USP1: variants seen among roughly 807,000 people sequenced by gnomAD.
The protein encoded by USP1 is ubiquitin specific peptidase 1.
Under a neutral mutation model 72.2 loss-of-function variants are expected in USP1, and 18 were observed. That is an observed-to-expected ratio of 0.25 (90% CI 0.17 to 0.37). The LOEUF is 0.37. Ranked by LOEUF, USP1 falls within the 10% of genes least tolerant of loss-of-function variation. USP1 has a pLI of 1.00. For missense variants in USP1, 759 were observed against 884.9 expected (o/e 0.86, Z 1.81); for synonymous variants, 354 against 303.7 (o/e 1.17, Z -1.72).
In USP1 at chr1:62,437,103, G is replaced by C. The variant is rs541075880; in HGVS notation, c.-367G>C. The C allele has an allele frequency of 5.0e-6, 2 of 398,954 alleles. No individual in the cohort carries two copies. Among genetic ancestry groups the C allele is most frequent in the East Asian group, 7.1e-5 (2 of 28,068 alleles). The allele number at this position is 398,954 out of a possible 1,614,324, so 24.7% of individuals were successfully genotyped here. A position where few individuals can be genotyped will look rare whatever the true frequency, so the allele number is the denominator to read the frequency against. ...GAGTGCTAAAGACCCTAGCGGTTCA[G>C]GCGTTCGGCGAGCGGGGCCGCTGCT... On this transcript the variant is annotated 5_prime_UTR_variant, in exon 1 of 9. Transcript: ENST00000339950.
intron 6 of USP1, among the ~76,000 whole-genome samples, chr1:62,446,227 A>G (rs1200364431): frequency 6.6e-6 from 1 of 152,196 alleles, no homozygotes; most frequent in Non-Finnish European, 1.5e-5. Flanking sequence ...AGCGTACTAC[A>G]CAACTAGCCT....
chr1:62,448,277 T>C (rs1364859796), intron 7 of USP1, among the ~76,000 whole-genome samples, 188 bp from the exon 8 acceptor site: 2 of 152,224 alleles, frequency 1.3e-5, no homozygotes, highest in African/African-American at 4.8e-5. Context: ...CGATCAAATA[T>C]ATTTAAAAGG....
intron 1 of USP1, among the ~76,000 whole-genome samples, chr1:62,438,193 A>G (rs998707905): frequency 2.6e-5 from 4 of 152,272 alleles, no homozygotes; most frequent in Non-Finnish European, 5.9e-5. Context: ...CTGCCTAATC[A>G]TTCTTCCCTT....
Position 62,448,566 on chromosome 1 carries a change from A to G in USP1, c.1522A>G (p.Asn508Asp). The change falls in exon 8 of 9, where the codon AAC (asparagine) becomes GAC (aspartate). Residue 508 changes from asparagine to aspartate, a missense_variant. Transcript: ENST00000339950. Reference protein sequence around the residue: ...IVGEDKYFCENCHHYTEAERS... With the variant: ...IVGEDKYFCEDCHHYTEAERS... ...AGGAGAAGATAAATATTTCTGTGAA[A>G]ACTGCCATCATTATACTGAAGCTGA... 6.2e-7 allele frequency: 1 copy of G among 1,613,950 alleles called. No individual in the cohort carries two copies. The highest frequency in any genetic ancestry group is 8.5e-7 in the Non-Finnish European group (1 of 1,179,934).
In USP1 at chr1:62,450,345, C is replaced by T; in HGVS notation, c.1722C>T (p.Asp574=). 2 of 1,614,096 alleles carry T rather than the reference C, an allele frequency of 1.2e-6. No individual in the cohort carries two copies. The highest frequency in any genetic ancestry group is 1.7e-6 in the Non-Finnish European group (2 of 1,180,030). Residue 574 remains aspartate (D), a synonymous_variant, in exon 9 of 9, where the codon GAC becomes GAT. Coordinates refer to ENST00000339950, the MANE Select transcript of USP1 (RefSeq NM_003368.5). ...LEEWSTKPTN[D]SYGLFAVVMH... Reference sequence around the variant, plus strand: ...AATGGAGCACAAAGCCAACTAACGACAGCTATGGATTATTTGCGGTTGTGA... The same window carrying T: ...AATGGAGCACAAAGCCAACTAACGATAGCTATGGATTATTTGCGGTTGTGA...
At position 62,442,262 on chromosome 1, in the gene USP1, A is replaced by C. The variant is rs1239783284; in HGVS notation, c.359A>C (p.Lys120Thr). The C allele has an allele frequency of 6.2e-7, 1 of 1,606,294 alleles. No individual in the cohort carries two copies. Among genetic ancestry groups the C allele is most frequent in the Non-Finnish European group, 8.5e-7 (1 of 1,175,066 alleles). ...TTATTTAATATTATTTCAAGGAAGA[A>C]AGAAGCTCTAAAGGATGAAGCCAAT... ...KHLFNIISRKKEALKDEANQK... is the reference protein window; with the variant it reads ...KHLFNIISRKTEALKDEANQK... The change falls in exon 4 of 9, where the codon AAA (lysine) becomes ACA (threonine). Residue 120 changes from lysine to threonine, a missense_variant. Transcript: ENST00000339950.
At chr1:62,448,039 G>A (rs1158008376) in intron 7 of USP1, among the ~76,000 whole-genome samples, 1 of 152,116 alleles carries the variant, frequency 6.6e-6, no homozygotes, top group Non-Finnish European at 1.5e-5. Context: ...GCCCGCCTTG[G>A]CCTCCCAAAG....
chr1:62,437,699 C>T (rs1397602231), intron 1 of USP1, among the ~76,000 whole-genome samples: 1 of 152,224 alleles, frequency 6.6e-6, no homozygotes, highest in African/African-American at 2.4e-5. Context: ...GGTCGCTGCT[C>T]GTCCTTCCAG....
At position 62,445,370 on chromosome 1, in the gene USP1, A is replaced by C. The variant is rs369529517; in HGVS notation, c.1190A>C (p.Glu397Ala). ...SDNTTNGCGLESPGNTVTPVN... is the reference protein window; with the variant it reads ...SDNTTNGCGLASPGNTVTPVN... ...AACACAACTAATGGTTGTGGACTTGAATCTCCAGGAAATACTGTTACACCT... is the reference window on the plus strand; with the variant it reads ...AACACAACTAATGGTTGTGGACTTGCATCTCCAGGAAATACTGTTACACCT... Residue 397 changes from glutamate to alanine, a missense_variant, in exon 6 of 9, where the codon GAA becomes GCA. By Grantham distance (107) the Glu-to-Ala change is moderately radical. This residue lies in a region of USP1 where 245 missense variants were observed against 240.7 expected (regional missense o/e 1.02). Transcript: ENST00000339950. 1.2e-5 allele frequency: 19 copies of C among 1,604,340 alleles called. No individual in the cohort carries two copies. The African/African-American group carries it at 1.7e-4, about 15-fold the overall frequency.
intron 6 of USP1, 145 bp downstream of exon 6, chr1:62,445,574 T>G: frequency 1.4e-6 from 1 of 704,820 alleles, no homozygotes; most frequent in Non-Finnish European, 2.2e-6. Flanking sequence ...TGAACTATGG[T>G]GTTTTAAGTG....
In USP1 at chr1:62,451,081, T is replaced by C. The variant is rs535702193; in HGVS notation, c.*100T>C. 15 of 1,167,598 alleles carry C rather than the reference T, an allele frequency of 1.3e-5. No individual in the cohort carries two copies. Among genetic ancestry groups the C allele is most frequent in the East Asian group, 2.5e-5 (1 of 40,576 alleles). 72.3% of individuals were successfully genotyped at this position (1,167,598 alleles called of 1,614,324 possible). On this transcript the variant is annotated 3_prime_UTR_variant, in exon 9 of 9. Transcript: ENST00000339950. ...TCTTTAGCTTATCTTTTGAAGCTAC[T>C]GGATATTATTGGTCTCTCTAGGTTT...
At chr1:62,444,147 T>TA (rs932261756) in intron 5 of USP1, among the ~76,000 whole-genome samples, 4 of 151,220 alleles carry the variant, frequency 2.6e-5, no homozygotes, top group African/African-American at 9.7e-5. Context: ...TAGTCCCACC[T>TA]ACTCGGGAGA....
intron 6 of USP1, among the ~76,000 whole-genome samples, chr1:62,445,630 G>GTA (rs1645166686): frequency 8.2e-6 from 1 of 122,138 alleles, no homozygotes; most frequent in Non-Finnish European, 1.7e-5. Context: ...GCATATATAT[G>GTA]TGTGTGTGTG....
chr1:62,444,583 C>T (rs1241613602), intron 5 of USP1, among the ~76,000 whole-genome samples, 155 bp from the exon 6 acceptor site: 5 of 152,056 alleles, frequency 3.3e-5, no homozygotes, highest in Non-Finnish European at 5.9e-5. Flanking sequence ...CTTTTAGTTA[C>T]AGATAAGAAA....
chr1:62,436,570 T>C (rs1269653549), upstream of USP1: 2 of 152,558 alleles, frequency 1.3e-5, no homozygotes, highest in East Asian at 3.9e-4. Flanking sequence ...TAGGTACTTC[T>C]GATTGGCTTC....
chr1:62,449,836 A>C (rs904051511), intron 8 of USP1, among the ~76,000 whole-genome samples: 2 of 151,790 alleles, frequency 1.3e-5, no homozygotes, highest in Non-Finnish European at 1.5e-5. Flanking sequence ...CTGAGGTGGG[A>C]GGATCACTTG....
In USP1 at chr1:62,443,189, T is replaced by C; in HGVS notation, c.427T>C (p.Tyr143His). 6.2e-7 allele frequency: 1 copy of C among 1,611,452 alleles called. No individual in the cohort carries two copies. The stretch of plus-strand genomic sequence containing the variant: ...TTGCAAAGAAGATTCTTTGGCAAGT[T>C]ATGAATTGATATGCAGTTTACAGTC... ...GNCKEDSLAS[Y>H]ELICSLQSLI... is the part of the protein sequence containing the mutation. Residue 143 changes from tyrosine (Y) to histidine (H), a missense_variant, in exon 5 of 9, where the codon TAT (tyrosine) becomes CAT (histidine). Coordinates refer to ENST00000339950, the MANE Select transcript of USP1 (RefSeq NM_003368.5).
chr1:62,444,082 A>G (rs1243133416), intron 5 of USP1, among the ~76,000 whole-genome samples: 1 of 152,008 alleles, frequency 6.6e-6, no homozygotes, highest in African/African-American at 2.4e-5. Context: ...AACATGGTGA[A>G]ACCCTGCCCC....
chr1:62,450,790 G>A lies in USP1; in HGVS notation c.2167G>A (p.Gly723Ser). 6.2e-7 allele frequency: 1 copy of A among 1,613,928 alleles called. No homozygotes were observed. The highest frequency in any genetic ancestry group is 8.5e-7 in the Non-Finnish European group (1 of 1,179,958). ...AAACAAGGAATCCAGTGACCAAACA[G>A]GCATTAATATTAGTGGATTTGAGAA... ...DRNKESSDQT[G>S]INISGFENKI... The change falls in exon 9 of 9, where the codon GGC becomes AGC. Residue 723 changes from glycine (G) to serine (S), a missense_variant. By Grantham distance (56) the Gly-to-Ser change is moderately conservative. This residue lies in a region of USP1 where 159 missense variants were observed against 140.9 expected (regional missense o/e 1.13). Coordinates refer to ENST00000339950, the MANE Select transcript of USP1 (RefSeq NM_003368.5).
Sources: gnomAD v4.1 joint callset for allele counts (sites outside exome capture counted in the v4.1 genomes callset) on GRCh38, gnomAD v4.1.1 for gene constraint, gnomAD v4.1.1 regional missense constraint, MANE v1.5 for transcripts, NCBI Gene and HGNC (gene_info 2026-07-23, HGNC 2026-07-21) for gene names.